Variants in FHOD3 observed in about 807,000 individuals in gnomAD.
FHOD3 encodes formin homology 2 domain containing 3.
FHOD3 carries 90 observed loss-of-function variants against 173.0 expected under a neutral mutation model. That is an observed-to-expected ratio of 0.52 (90% CI 0.44 to 0.62). The LOEUF (loss-of-function observed/expected upper bound fraction) is 0.62. Among genes scored for constraint, FHOD3 ranks in the 20% least tolerant of loss-of-function variants. FHOD3 has a pLI of 0.00. For synonymous variants in FHOD3, 828 were observed against 823.0 expected, an observed-to-expected ratio of 1.01 and a Z score of -0.10; for missense variants, 1,945 against 2,034.7, an observed-to-expected ratio of 0.96 and a Z score of 0.85.
intron 11 of FHOD3, among the ~76,000 whole-genome samples, chr18:36,651,615 G>A (rs982816561): frequency 6.6e-6 from 1 of 152,068 alleles, no homozygotes; most frequent in African/African-American, 2.4e-5. Context: ...AGCCAGGTGT[G>A]GTATCGCATG....
At chr18:36,301,283 T>C (rs971295094) in intron 1 of FHOD3, among the ~76,000 whole-genome samples, 10 of 152,240 alleles carry the variant, frequency 6.6e-5, no homozygotes, top group Non-Finnish European at 1.0e-4. Context: ...TTTCTTAACC[T>C]AATGATGTAG....
rs534078028 is a variant in FHOD3, at chr18:36,680,012, C to T, written c.1836-1424C>T. ...GTTGATTAGGTTTGGCTGGATACAG[C>T]AGGGAAGAATTCCCACAAAATAATA... On this transcript the variant is annotated intron_variant, in intron 14 of 28. Transcript: ENST00000590592. 3.0e-4 allele frequency among the ~76,000 whole-genome samples: 46 copies of T among 152,272 alleles called. 1 individual carries two copies. Among genetic ancestry groups the T allele is most frequent in the African/African-American group, 1.1e-3 (46 of 41,540 alleles).
intron 24 of FHOD3, 22 bp downstream of exon 24, chr18:36,747,157 T>C (rs753674591): frequency 2.6e-5 from 41 of 1,573,014 alleles, no homozygotes; most frequent in African/African-American, 5.5e-5. Flanking sequence ...GAGGAACTTA[T>C]AGAAATATCA....
intron 4 of FHOD3, among the ~76,000 whole-genome samples, chr18:36,510,484 C>G (rs967063667): frequency 6.6e-6 from 1 of 152,028 alleles, no homozygotes; most frequent in African/African-American, 2.4e-5. Context: ...GTGTTTTTTC[C>G]AAGTGCCTTT....
intron 7 of FHOD3, among the ~76,000 whole-genome samples, chr18:36,597,870 C>T (rs1015400169): frequency 6.6e-6 from 1 of 151,338 alleles, no homozygotes; most frequent in African/African-American, 2.4e-5. Flanking sequence ...ATGTGTGGCT[C>T]AATAGCATGT....
At chr18:36,333,203 T>C (rs968709879) in intron 1 of FHOD3, among the ~76,000 whole-genome samples, 2 of 152,216 alleles carry the variant, frequency 1.3e-5, no homozygotes, top group Non-Finnish European at 2.9e-5. Context: ...CTGGGAGATA[T>C]GACTTTCTAG....
At chr18:36,527,268 C>A (rs1425082941) in intron 5 of FHOD3, among the ~76,000 whole-genome samples, 1 of 152,302 alleles carries the variant, frequency 6.6e-6, no homozygotes, top group East Asian at 1.9e-4. Context: ...TCATCTGAAT[C>A]ATCTGGTCTA....
chr18:36,605,883 C>A (rs190292807), intron 8 of FHOD3, among the ~76,000 whole-genome samples: 1 of 152,214 alleles, frequency 6.6e-6, no homozygotes, highest in African/African-American at 2.4e-5. Context: ...AATAAAGGCC[C>A]CTAATAACAT....
At chr18:36,387,618 C>T (rs1208693623) in intron 3 of FHOD3, among the ~76,000 whole-genome samples, 1 of 152,186 alleles carries the variant, frequency 6.6e-6, no homozygotes, top group African/African-American at 2.4e-5. Context: ...CAGTTCCATC[C>T]ACTTTCGTGA....
At chr18:36,564,225 G>A (rs1018052271) in intron 5 of FHOD3, among the ~76,000 whole-genome samples, 8 of 152,054 alleles carry the variant, frequency 5.3e-5, no homozygotes, top group African/African-American at 1.9e-4. Flanking sequence ...TGCTTCCACT[G>A]GTATTTCATT....
rs763126578 is a variant in FHOD3, at chr18:36,709,327, G to C, written c.2469G>C (p.Ser823=). ...ACAACTGCTCTGCCTCCAGCGTCTC[G>C]TCCTCCAGCAGCACGTTGGAGAGGG... ...ERDNCSASSV[S]SSSSTLEREE... is the part of the protein sequence containing the mutation. The change falls in exon 18 of 29, where the codon TCG becomes TCC. Residue 823 remains serine (S), a synonymous_variant. Coordinates refer to ENST00000590592, the MANE Select transcript of FHOD3 (RefSeq NM_001281740.3). 1.2e-6 allele frequency: 2 copies of C among 1,614,128 alleles called. No individual in the cohort carries two copies. The highest frequency in any genetic ancestry group is 1.7e-5 in the Admixed American group (1 of 60,012).
chr18:36,439,908 C>A (rs530126821), intron 3 of FHOD3, among the ~76,000 whole-genome samples: 10 of 152,096 alleles, frequency 6.6e-5, no homozygotes, highest in Non-Finnish European at 1.2e-4. Context: ...TGATGCCCTC[C>A]CCATCCCCAC....
chr18:36,582,609 A>C (rs1162836123), intron 6 of FHOD3, among the ~76,000 whole-genome samples: 3 of 152,236 alleles, frequency 2.0e-5, no homozygotes, highest in Non-Finnish European at 4.4e-5. Flanking sequence ...AAGTATTTAC[A>C]GGCAGTTACC....
chr18:36,475,316 G>T (rs2053505099), intron 3 of FHOD3, among the ~76,000 whole-genome samples: 1 of 152,066 alleles, frequency 6.6e-6, no homozygotes, highest in Admixed American at 6.5e-5. Flanking sequence ...TGCAGAGATG[G>T]TGTCCTGAAG....
intron 9 of FHOD3, among the ~76,000 whole-genome samples, chr18:36,615,874 C>A (rs1297398595): frequency 6.6e-6 from 1 of 152,148 alleles, no homozygotes; most frequent in Non-Finnish European, 1.5e-5. Flanking sequence ...AGGAATAGAA[C>A]AGAATTATCT....
intron 15 of FHOD3, among the ~76,000 whole-genome samples, chr18:36,684,802 TTTTG>T (rs762136445): frequency 3.3e-5 from 5 of 152,134 alleles, no homozygotes; most frequent in African/African-American, 1.2e-4. Context: ...CATTGGTTTT[TTTTG>T]TTTGTTTGTT....
At chr18:36,756,336 T>C (rs2150217067) in intron 25 of FHOD3, among the ~76,000 whole-genome samples, 1 of 152,222 alleles carries the variant, frequency 6.6e-6, no homozygotes, top group Non-Finnish European at 1.5e-5. Context: ...TTTTTTTTCA[T>C]GGTTTGGATT....
At chr18:36,402,560 A>G (rs1417475088) in intron 3 of FHOD3, among the ~76,000 whole-genome samples, 2 of 149,600 alleles carry the variant, frequency 1.3e-5, no homozygotes, top group Non-Finnish European at 3.0e-5. Context: ...AAAATACCCC[A>G]GAGAGGAAAA....
intron 6 of FHOD3, among the ~76,000 whole-genome samples, chr18:36,592,459 G>A (rs79050473): frequency 0.024 from 3,596 of 152,318 alleles, 108 homozygotes; most frequent in East Asian, 0.15. Flanking sequence ...AGCATGTGAA[G>A]TGCACTGGGC....
Sources: allele counts gnomAD v4.1 joint callset (sites outside exome capture counted in the v4.1 genomes callset), GRCh38; gene constraint gnomAD v4.1.1; transcripts MANE v1.5; gene names NCBI Gene and HGNC (gene_info 2026-07-23, HGNC 2026-07-21).